The following CDH12 variants were observed in gnomAD, a reference collection of about 807,000 sequenced individuals.
CDH12 encodes cadherin 12, also known as cadherin-12.
Under a neutral mutation model 74.1 loss-of-function variants are expected in CDH12, and 41 were observed. The ratio of observed to expected loss-of-function variants is 0.55; its 90% confidence interval spans 0.43 to 0.72. The LOEUF is 0.72. Among genes scored for constraint, CDH12 ranks in the 30% least tolerant of loss-of-function variants. The pLI is 0.00. For synonymous variants in CDH12, 399 were observed against 355.0 expected (o/e 1.12, Z -1.39); for missense variants, 945 against 977.2 (o/e 0.97, Z 0.44).
chr5:22,027,802 G>A (rs1015977216), intron 5 of CDH12, among the ~76,000 whole-genome samples: 1 of 151,958 alleles, frequency 6.6e-6, no homozygotes, highest in Non-Finnish European at 1.5e-5. Context: ...GGTTTTTTGT[G>A]TCTCTATTTC....
chr5:21,880,434 TTTTCCTTCCTTC>T (rs1167581501), intron 6 of CDH12, among the ~76,000 whole-genome samples: 1 of 149,966 alleles, frequency 6.7e-6, no homozygotes, highest in African/African-American at 2.5e-5. Flanking sequence ...TATACAATGC[TTTTCCTTCCTTC>T]TTTCCTTCCT....
intron 1 of CDH12, among the ~76,000 whole-genome samples, chr5:22,739,011 T>A (rs1744880654): frequency 6.6e-6 from 1 of 152,116 alleles, no homozygotes; most frequent in African/African-American, 2.4e-5. Flanking sequence ...GCCCTTTTTA[T>A]GTTTAACATG....
chr5:22,007,856 T>C (rs555843490), intron 5 of CDH12, among the ~76,000 whole-genome samples: 1 of 152,356 alleles, frequency 6.6e-6, no homozygotes, highest in South Asian at 2.1e-4. Context: ...TTTGTTATTT[T>C]GTGGCTTTCC....
intron 8 of CDH12, among the ~76,000 whole-genome samples, chr5:21,838,460 T>G (rs1749661194): frequency 6.6e-6 from 1 of 151,990 alleles, no homozygotes; most frequent in African/African-American, 2.4e-5. Context: ...CTTGGGAGGC[T>G]GAGACAGGAG....
intron 6 of CDH12, among the ~76,000 whole-genome samples, chr5:21,863,652 A>G (rs969247627): frequency 1.3e-5 from 2 of 152,150 alleles, no homozygotes; most frequent in African/African-American, 4.8e-5. Context: ...GTCATTTTCA[A>G]TACTAAATTG....
chr5:21,833,133 TA>T (rs1356042412), intron 8 of CDH12, among the ~76,000 whole-genome samples: 3 of 35,260 alleles, frequency 8.5e-5, no homozygotes, highest in African/African-American at 3.3e-4. Flanking sequence ...TATTATATTA[TA>T]AATATATATT....
rs1243467351 is a variant in CDH12 at position 22,644,140 on chromosome 5, C to G, written c.-522-138776G>C. Among the ~76,000 whole-genome samples, 3 of 151,968 alleles carry G rather than the reference C, an allele frequency of 2.0e-5. No homozygotes were observed. The East Asian group carries it at 5.8e-4, about 29-fold the overall frequency. Reference sequence around the variant, plus strand: ...AGCCAATTAACAACCCTTAAATGGCCTTTACATGTTCAAGTGAAAAGTCCC... The same window carrying G: ...AGCCAATTAACAACCCTTAAATGGCGTTTACATGTTCAAGTGAAAAGTCCC... On this transcript the variant is annotated intron_variant, in intron 1 of 14. Coordinates refer to ENST00000382254, the MANE Select transcript of CDH12 (RefSeq NM_004061.5).
chr5:22,791,852 T>A (rs1259155860), intron 1 of CDH12, among the ~76,000 whole-genome samples: 2 of 152,242 alleles, frequency 1.3e-5, no homozygotes, highest in South Asian at 4.1e-4. Context: ...GCCTCTGTGA[T>A]CCAATCACCT....
Position 22,808,954 on chromosome 5 carries a change from C to T in CDH12, c.-523+44104G>A, listed in dbSNP as rs139802554. Among the ~76,000 whole-genome samples, 29 of 151,612 alleles carry T rather than the reference C, an allele frequency of 1.9e-4. No individual in the cohort carries two copies. In the East Asian group the frequency reaches 4.1e-3, roughly 21 times the overall value. The stretch of plus-strand genomic sequence containing the variant: ...GCCAAGTCTTCAGAAAATATTCTAC[C>T]ACCAGGTTGAGGGGCATATGCAATG... On this transcript the variant is annotated intron_variant, in intron 1 of 14. Transcript: ENST00000382254.
chr5:22,694,931 T>A (rs946237064), intron 1 of CDH12, among the ~76,000 whole-genome samples: 1 of 151,946 alleles, frequency 6.6e-6, no homozygotes, highest in Non-Finnish European at 1.5e-5. Flanking sequence ...TATCAACCCA[T>A]CATCTAGGTT....
At position 22,174,403 on chromosome 5, in the gene CDH12, C is replaced by T. The variant is rs182729872; in HGVS notation, c.-187+38095G>A. Among the ~76,000 whole-genome samples, 978 of 152,100 alleles carry T rather than the reference C, an allele frequency of 6.4e-3. 9 individuals are homozygous for T. Among genetic ancestry groups the T allele is most frequent in the African/African-American group, 0.022 (902 of 41,548 alleles). The stretch of plus-strand genomic sequence containing the variant: ...GACTATGTCCCTAATAGTTTGTCAA[C>T]ACATTGATATAACAAAATGGTTTGT... On this transcript the variant is annotated intron_variant, in intron 4 of 14. Transcript: ENST00000382254.
chr5:22,507,813 G>T (rs1250865664), intron 1 of CDH12, among the ~76,000 whole-genome samples: 1 of 152,144 alleles, frequency 6.6e-6, no homozygotes, highest in Non-Finnish European at 1.5e-5. Context: ...ATCAATAAAA[G>T]ATTGAGATGA....
intron 3 of CDH12, among the ~76,000 whole-genome samples, chr5:22,314,762 G>A (rs1343511080): frequency 1.3e-5 from 2 of 151,532 alleles, no homozygotes; most frequent in East Asian, 1.9e-4. Flanking sequence ...TAGAAATCCC[G>A]AAAACATACA....
At chr5:22,530,507 TTC>T (rs946729971) in intron 1 of CDH12, among the ~76,000 whole-genome samples, 4 of 145,040 alleles carry the variant, frequency 2.8e-5, no homozygotes, top group African/African-American at 1.0e-4. Flanking sequence ...CTCATTAAAA[TTC>T]TGTTTGCTTA....
At chr5:22,060,136 G>T (rs1374180021) in intron 5 of CDH12, among the ~76,000 whole-genome samples, 12 of 152,072 alleles carry the variant, frequency 7.9e-5, no homozygotes, top group Non-Finnish European at 7.4e-5. Context: ...AAACAAAAAA[G>T]AAGAACAAAG....
intron 1 of CDH12, among the ~76,000 whole-genome samples, chr5:22,683,044 A>C (rs1403597205): frequency 6.6e-6 from 1 of 152,108 alleles, no homozygotes; most frequent in African/African-American, 2.4e-5. Context: ...CATTCATTTA[A>C]TTCCATGTAG....
intron 3 of CDH12, among the ~76,000 whole-genome samples, chr5:22,370,200 A>T (rs1741221011): frequency 6.6e-6 from 1 of 151,966 alleles, no homozygotes; most frequent in African/African-American, 2.4e-5. Context: ...AGATCCCTCC[A>T]CTCCTGGAAG....
At chr5:21,768,435 A>G (rs1370109372) in intron 11 of CDH12, among the ~76,000 whole-genome samples, 1 of 151,930 alleles carries the variant, frequency 6.6e-6, no homozygotes, top group Non-Finnish European at 1.5e-5. Flanking sequence ...GAAAAAAAGG[A>G]AAATAATAAA....
chr5:22,319,445 G>C lies in CDH12; in HGVS notation c.-333+85812C>G, dbSNP rs575116963. Among the ~76,000 whole-genome samples the C allele has an allele frequency of 2.0e-5, 3 of 152,258 alleles. No homozygotes were observed. In the South Asian group the frequency reaches 6.2e-4, roughly 32 times the overall value. ...AGTTTACACAGATGCTAGCAGCACA[G>C]TACGGAAATTTAGGGTTTGTCTATG... On this transcript the variant is annotated intron_variant, in intron 3 of 14. Transcript: ENST00000382254.
Sources: allele counts gnomAD v4.1 joint callset (sites outside exome capture counted in the v4.1 genomes callset), GRCh38; gene constraint gnomAD v4.1.1; transcripts MANE v1.5; gene names NCBI Gene and HGNC (gene_info 2026-07-23, HGNC 2026-07-21).